MIDN: variants seen among roughly 807,000 people sequenced by gnomAD.
MIDN encodes the protein midnolin.
A neutral mutation model predicts 46.1 loss-of-function variants in MIDN; 26 were observed. The ratio of observed to expected loss-of-function variants is 0.56; its 90% CI spans 0.41 to 0.78. The LOEUF is 0.78. Ranked by LOEUF, MIDN falls within the 30% of genes least tolerant of loss-of-function variation. The pLI is 0.00. For missense variants in MIDN, 850 were observed against 771.8 expected (o/e 1.10, Z -1.20); for synonymous variants, 432 against 343.3 (o/e 1.26, Z -2.86).
Position 1,255,668 on chromosome 19 carries a change from GCCAGAT to G in MIDN, c.1235_1240del (p.Gln412_Ile413del). 6.3e-7 allele frequency: 1 copy of G among 1,596,048 alleles called. No individual in the cohort carries two copies. The highest frequency in any genetic ancestry group is 8.5e-7 in the Non-Finnish European group (1 of 1,175,028). ...TCAGCCTCCCTGCTGCAGGGCCAGA[GCCAGAT>G]CCGCATGTGCAAGCCCCCGGGTGAG... is the stretch of plus-strand genomic sequence containing the variant. On this transcript the variant is annotated inframe_deletion, in exon 8 of 9. Transcript: ENST00000682408.
intron 8 of MIDN, among the ~76,000 whole-genome samples, chr19:1,256,751 A>G (rs925879053): frequency 6.6e-6 from 1 of 152,144 alleles, no homozygotes; most frequent in African/African-American, 2.4e-5. Flanking sequence ...GAGGTTGCCC[A>G]GGCCTGTCTC....
intron 8 of MIDN, among the ~76,000 whole-genome samples, chr19:1,256,184 G>C (rs1267449700): frequency 6.6e-6 from 1 of 152,250 alleles, no homozygotes. Context: ...TCCCAGCTCA[G>C]TTTAAAAGTG....
In MIDN at chr19:1,251,914, C is replaced by T. The variant is rs759509818; in HGVS notation, c.384+13C>T. On this transcript the variant is annotated intron_variant, in intron 4 of 8. Coordinates refer to ENST00000682408, the MANE Select transcript of MIDN (RefSeq NM_001388306.1). ...CACGGAGACGCAGGTAAGACCTCGC[C>T]AGCCCCTTCCTAACAGGGCAGCCCT... The T allele has an allele frequency of 1.4e-5, 23 of 1,611,322 alleles. No homozygotes were observed. The highest frequency in any genetic ancestry group is 1.8e-5 in the Non-Finnish European group (21 of 1,178,432).
At chr19:1,254,811 G>T in intron 6 of MIDN, 91 bp from the exon 7 acceptor site, 2 of 1,438,102 alleles carry the variant, frequency 1.4e-6, no homozygotes, top group South Asian at 2.5e-5. Context: ...GTCATCTCCT[G>T]ACCTGGGCTG....
intron 8 of MIDN, 81 bp from the exon 9 acceptor site, chr19:1,256,914 G>A: frequency 1.3e-6 from 2 of 1,573,986 alleles, no homozygotes; most frequent in Non-Finnish European, 1.7e-6. Context: ...GACCTCAGGG[G>A]CATTTGCTGG....
rs61743656 is a variant in MIDN, at chr19:1,257,151, G to C, written c.1415G>C (p.Ser472Thr). The change falls in exon 9 of 9, where the codon AGC becomes ACC. Residue 472 changes from serine (S) to threonine (T), a missense_variant. Coordinates refer to ENST00000682408, the MANE Select transcript of MIDN (RefSeq NM_001388306.1). ...AGCCGCAAGGCCGGCCGCAGCGACA[G>C]CAGTAGCAGCGGGGGCGGCGGCAGC... ...SPSRKAGRSDSSSSGGGGSPS... is the reference protein window; with the variant it reads ...SPSRKAGRSDTSSSGGGGSPS... 1,717 of 1,611,566 alleles carry C rather than the reference G, an allele frequency of 1.1e-3. 15 individuals are homozygous for C. In the African/African-American group the frequency reaches 0.021, roughly 19 times the overall value.
chr19:1,252,813 C>T (rs2081148405), intron 4 of MIDN, among the ~76,000 whole-genome samples: 1 of 151,904 alleles, frequency 6.6e-6, no homozygotes, highest in South Asian at 2.1e-4. Context: ...AGGGCGGGGG[C>T]CGGGAGCTGG....
At position 1,257,557 on chromosome 19, in the gene MIDN, C is replaced by A; in HGVS notation, c.*285C>A. ...CTCCTCCGTCTGTCTCCTTTCACCT[C>A]TGCGCCAGGTCGGTCCTCCCTGCCA... On this transcript the variant is annotated 3_prime_UTR_variant, in exon 9 of 9. Coordinates refer to ENST00000682408, the MANE Select transcript of MIDN (RefSeq NM_001388306.1). 2.6e-6 allele frequency: 1 copy of A among 386,838 alleles called. No individual in the cohort carries two copies. The highest frequency in any genetic ancestry group is 4.6e-6 in the Non-Finnish European group (1 of 215,818). 24.0% of individuals were successfully genotyped at this position (386,838 alleles called of 1,614,324 possible). A position where few individuals can be genotyped will look rare whatever the true frequency, so the allele number is the denominator to read the frequency against.
chr19:1,250,960 CT>C (rs1310170124), intron 2 of MIDN, among the ~76,000 whole-genome samples: 1 of 152,118 alleles, frequency 6.6e-6, no homozygotes, highest in Non-Finnish European at 1.5e-5. Context: ...GCAGCCTCCC[CT>C]CCCCCCTGGT....
chr19:1,257,601 A>C lies in MIDN; in HGVS notation c.*329A>C. On this transcript the variant is annotated 3_prime_UTR_variant, in exon 9 of 9. Transcript: ENST00000682408. ...CCTGCCAACCTTCCCCAGCTCCAAT[A>C]TGTAGCAGTCTCTCTGGATGGCGGA... 1.8e-4 allele frequency: 50 copies of C among 283,888 alleles called. No homozygotes were observed. The highest frequency in any genetic ancestry group is 7.4e-4 in the East Asian group (9 of 12,164). 17.6% of individuals were successfully genotyped at this position (283,888 alleles called of 1,614,324 possible). A position where few individuals can be genotyped will look rare whatever the true frequency, so the allele number is the denominator to read the frequency against.
At chr19:1,253,044 T>TGGGGGGGGGGGGG (rs111898804) in intron 4 of MIDN, among the ~76,000 whole-genome samples, 12 of 131,762 alleles carry the variant, frequency 9.1e-5, no homozygotes, top group African/African-American at 2.9e-4. Flanking sequence ...TGGGGGGGGC[T>TGGGGGGGGGGGGG]GGAGGGGGTG....
At chr19:1,252,069 C>G (rs937543818) in intron 4 of MIDN, among the ~76,000 whole-genome samples, 168 bp downstream of exon 4, 1 of 152,138 alleles carries the variant, frequency 6.6e-6, no homozygotes, top group Non-Finnish European at 1.5e-5. Flanking sequence ...CTCCTCTCCC[C>G]CAAGATTCAC....
intron 4 of MIDN, 168 bp from the exon 5 acceptor site, chr19:1,253,786 G>A (rs1294667553): frequency 5.2e-6 from 2 of 383,774 alleles, no homozygotes; most frequent in Non-Finnish European, 8.5e-6. Flanking sequence ...CACAGGCAGA[G>A]AGGATCTAGG....
At chr19:1,251,037 C>G (rs1376445894) in intron 2 of MIDN, among the ~76,000 whole-genome samples, 1 of 151,986 alleles carries the variant, frequency 6.6e-6, no homozygotes, top group Non-Finnish European at 1.5e-5. Flanking sequence ...AGTGTCCATC[C>G]CAGTGGAGGG....
In MIDN at chr19:1,258,630, C is replaced by T. The variant is rs1469509540; in HGVS notation, c.*1358C>T. 2 of 151,960 alleles carry T rather than the reference C, an allele frequency of 1.3e-5. No homozygotes were observed. The allele number at this position is 151,960 out of a possible 1,614,324, so 9.4% of individuals were successfully genotyped here. ...TTGTTCTCGTAGGTGAACCCCAGGT[C>T]CTCAACTCCCCCCCTTTATGTGTTG... On this transcript the variant is annotated 3_prime_UTR_variant, in exon 9 of 9. Transcript: ENST00000682408.
chr19:1,250,186 C>T lies in MIDN; in HGVS notation c.-111C>T, dbSNP rs1481024309. Reference sequence around the variant, plus strand: ...CGAGGAGGACGCGCGCTGCTCCGCGCCCCCGAGTGCCCGGAGGACCCGGCA... The same window carrying T: ...CGAGGAGGACGCGCGCTGCTCCGCGTCCCCGAGTGCCCGGAGGACCCGGCA... On this transcript the variant is annotated 5_prime_UTR_variant, in exon 2 of 9. Transcript: ENST00000682408. 1 of 297,058 alleles carries T rather than the reference C, an allele frequency of 3.4e-6. No individual in the cohort carries two copies. The highest frequency in any genetic ancestry group is 1.7e-4 in the East Asian group (1 of 5,748). 18.4% of individuals were successfully genotyped at this position (297,058 alleles called of 1,614,324 possible). A position where few individuals can be genotyped will look rare whatever the true frequency, so the allele number is the denominator to read the frequency against.
At position 1,254,337 on chromosome 19, in the gene MIDN, C is replaced by T. The variant is rs769209878; in HGVS notation, c.684C>T (p.Ala228=). 7 of 1,567,886 alleles carry T rather than the reference C, an allele frequency of 4.5e-6. No homozygotes were observed. The highest frequency in any genetic ancestry group is 2.3e-5 in the South Asian group (2 of 87,710). Residue 228 remains alanine, a synonymous_variant, in exon 6 of 9, where the codon GCC becomes GCT. Coordinates refer to ENST00000682408, the MANE Select transcript of MIDN (RefSeq NM_001388306.1). ...AAAARGDPSI[A]SPVSSPCRPV... ...CTGCGCGGGGGGACCCCAGCATAGCCTCCCCCGTGTCCTCGCCCTGCCGGC... is the reference window on the plus strand; with the variant it reads ...CTGCGCGGGGGGACCCCAGCATAGCTTCCCCCGTGTCCTCGCCCTGCCGGC...
chr19:1,252,046 C>G, intron 4 of MIDN, 145 bp downstream of exon 4: 2 of 667,704 alleles, frequency 3.0e-6, no homozygotes, highest in Non-Finnish European at 5.2e-6. Flanking sequence ...CCAGCCTGGC[C>G]TGGCCTCCCC....
chr19:1,255,895 G>A (rs564648482), intron 8 of MIDN, among the ~76,000 whole-genome samples: 2 of 152,210 alleles, frequency 1.3e-5, no homozygotes, highest in African/African-American at 2.4e-5. Context: ...GTGTGCTCCC[G>A]GGGGGCCACA....
Sources: gnomAD v4.1 joint callset for allele counts (sites outside exome capture counted in the v4.1 genomes callset) on GRCh38, gnomAD v4.1.1 for gene constraint, MANE v1.5 for transcripts, NCBI Gene and HGNC (gene_info 2026-07-23, HGNC 2026-07-21) for gene names.